Variants in PCSK4 observed in about 807,000 individuals in gnomAD.
PCSK4 encodes proprotein convertase subtilisin/kexin type 4.
Under a neutral mutation model 80.3 loss-of-function variants are expected in PCSK4, and 64 were observed. That is an observed-to-expected ratio of 0.80 (90% CI 0.65 to 0.98). PCSK4 has a LOEUF of 0.98. PCSK4 is among the 50% of genes least tolerant of loss of function. The probability of loss-of-function intolerance (pLI) is 0.00; values close to 1 mark genes in which losing one functional copy is unlikely to be tolerated. For missense variants in PCSK4, 1,213 were observed against 1,093.6 expected, an observed-to-expected ratio of 1.11 and a Z score of -1.54; for synonymous variants, 561 against 487.6, an observed-to-expected ratio of 1.15 and a Z score of -1.98.
exon 1 of PCSK4, chr19:1,490,182 T>G (rs766464618): frequency 6.2e-7 from 1 of 1,613,718 alleles, no homozygotes; most frequent in South Asian, 1.1e-5. Context: ...CGAAGCCGAA[T>G]TTGCGTGCCA....
At chr19:1,482,439 G>A (rs773751308) in exon 14 of PCSK4, 13 of 1,607,938 alleles carry the variant, frequency 8.1e-6, no homozygotes, top group East Asian at 6.7e-5. Context: ...GTCCTCGGCC[G>A]TCCCATAGAG....
Position 1,483,396 on chromosome 19 carries a change from G to A in PCSK4, c.1459C>T (p.Arg487Cys), listed in dbSNP as rs763393336. The change falls in exon 12 of 15, where the codon CGC becomes TGC. Residue 487 changes from arginine (R) to cysteine (C), a missense_variant. By Grantham distance (180) the Arg-to-Cys change is radical. Coordinates refer to ENST00000300954, the Ensembl canonical transcript of PCSK4. ...TGCGCCTGCACGTGCTCCAGCGAGC[G>A]GATGGAGTTGTGGAGGCCGGCGCAG... 6.2e-6 allele frequency: 10 copies of A among 1,604,872 alleles called. No homozygotes were observed. The Middle Eastern group carries it at 1.5e-3, about 238-fold the overall frequency.
chr19:1,485,745 C>G (rs2084569537), intron 8 of PCSK4, among the ~76,000 whole-genome samples: 1 of 151,736 alleles, frequency 6.6e-6, no homozygotes, highest in African/African-American at 2.4e-5. Flanking sequence ...GTGGCGGGCA[C>G]CTGTAGTCCC....
exon 15 of PCSK4, chr19:1,482,001 G>T (rs566850451): frequency 1.3e-6 from 2 of 1,587,992 alleles, no homozygotes; most frequent in East Asian, 2.3e-5. Context: ...TGCTGGTCCA[G>T]CGTGGAGGAT....
At chr19:1,490,409 C>A (rs951521998), upstream of PCSK4, 1 of 648,116 alleles carries the variant, frequency 1.5e-6, no homozygotes, top group Non-Finnish European at 2.5e-6. Flanking sequence ...GCCGAGTGGG[C>A]CCAGGCGTCC....
chr19:1,490,618 C>T, upstream of PCSK4: 1 of 424,492 alleles, frequency 2.4e-6, no homozygotes, highest in Non-Finnish European at 4.2e-6. Context: ...GAAGCGGGTT[C>T]ACTGTTGCGA....
exon 15 of PCSK4, chr19:1,482,010 A>C: frequency 6.3e-7 from 1 of 1,582,496 alleles, no homozygotes; most frequent in Non-Finnish European, 8.6e-7. Flanking sequence ...AGCGTGGAGG[A>C]TGGGGGACAG....
chr19:1,482,701 G>T, intron 13 of PCSK4, 195 bp downstream of exon 13: 1 of 751,348 alleles, frequency 1.3e-6, no homozygotes, highest in Non-Finnish European at 2.1e-6. Flanking sequence ...CATCTCCCGT[G>T]TTACCGCACA....
Position 1,490,366 on chromosome 19 carries a change from GGCCTGC to G in PCSK4, c.-26_-21del. ...CCGCATGGAGGCGGGGCGGGAGCGG[GGCCTGC>G]GCAAATCCCCTCCCTCCCGCCAAAC... On this transcript the variant is annotated 5_prime_UTR_variant, in exon 1 of 15. Coordinates refer to ENST00000300954, the Ensembl canonical transcript of PCSK4. The G allele has an allele frequency of 4.0e-6, 4 of 1,005,024 alleles. No individual in the cohort carries two copies. 62.3% of individuals were successfully genotyped at this position (1,005,024 alleles called of 1,614,324 possible). A position where few individuals can be genotyped will look rare whatever the true frequency, so the allele number is the denominator to read the frequency against.
upstream of PCSK4, chr19:1,490,823 T>G (rs1458298158): frequency 5.5e-6 from 1 of 180,618 alleles, no homozygotes; most frequent in Non-Finnish European, 1.1e-5. Flanking sequence ...CCTCCACTGG[T>G]CTCGCCAATG....
chr19:1,481,966 G>A (rs778422168), exon 15 of PCSK4: 1 of 1,595,442 alleles, frequency 6.3e-7, no homozygotes, highest in South Asian at 1.1e-5. Flanking sequence ...TGTCGGGGGT[G>A]GTGGGTCCCA....
chr19:1,490,724 T>G, upstream of PCSK4: 1 of 232,074 alleles, frequency 4.3e-6, no homozygotes, highest in Non-Finnish European at 8.3e-6. Context: ...ATCAGAATCA[T>G]TCTTTTGCGT....
exon 12 of PCSK4, chr19:1,483,375 C>T (rs1431823231): frequency 6.2e-7 from 1 of 1,607,876 alleles, no homozygotes. Context: ...GTCAGCTGCG[C>T]CTGCACGTGC....
Position 1,487,774 on chromosome 19 carries a change from G to T in PCSK4, c.593+11C>A. The T allele has an allele frequency of 6.4e-7, 1 of 1,567,586 alleles. No homozygotes were observed. On this transcript the variant is annotated intron_variant, in intron 5 of 14. Transcript: ENST00000300954. ...GGGGCTTCCCCCGTGTGCTGTGGGA[G>T]CCCTGCTCACCGGTTCTCTTTGCTG...
chr19:1,488,985 G>A (rs984042524), intron 2 of PCSK4, among the ~76,000 whole-genome samples: 20 of 152,264 alleles, frequency 1.3e-4, no homozygotes, highest in Admixed American at 5.2e-4. Flanking sequence ...CCTGGCCTCC[G>A]AGGGCTTCCC....
intron 13 of PCSK4, 54 bp downstream of exon 13, chr19:1,482,841 TG>T: frequency 5.0e-6 from 8 of 1,591,172 alleles, no homozygotes; most frequent in South Asian, 1.1e-5. Flanking sequence ...CCAGAGCCCC[TG>T]GGGGGAGGTT....
At chr19:1,486,563 TG>T (rs2084624991) in intron 8 of PCSK4, among the ~76,000 whole-genome samples, 1 of 151,976 alleles carries the variant, frequency 6.6e-6, no homozygotes, top group Non-Finnish European at 1.5e-5. Flanking sequence ...CCCAAAGTGC[TG>T]GGATTACAGG....
Position 1,487,701 on chromosome 19 carries a change from G to T in PCSK4, c.594-10C>A. 1.3e-6 allele frequency: 2 copies of T among 1,552,404 alleles called. No individual in the cohort carries two copies. The highest frequency in any genetic ancestry group is 8.7e-7 in the Non-Finnish European group (1 of 1,147,934). On this transcript the variant is annotated splice_polypyrimidine_tract_variant and intron_variant, in intron 5 of 14. Coordinates refer to ENST00000300954, the Ensembl canonical transcript of PCSK4. ...ACAGCGGGTCCCGTGCCTGGTGCCA[G>T]GGCCAAGAGGGGCTCCTGTCACGGC...
rs760055157 is a variant in PCSK4 at position 1,488,106 on chromosome 19, C to T, written c.388-14G>A. ...GGCCTCGCTGTTCTGCAGGGGGAGG[C>T]GGGGTTGTGACCCTGTGAGGGCCTG... On this transcript the variant is annotated splice_polypyrimidine_tract_variant and intron_variant, in intron 3 of 14. Coordinates refer to ENST00000300954, the Ensembl canonical transcript of PCSK4. The T allele has an allele frequency of 1.1e-5, 18 of 1,612,528 alleles. No homozygotes were observed. The highest frequency in any genetic ancestry group is 6.6e-5 in the South Asian group (6 of 91,066).
Sources: allele counts gnomAD v4.1 joint callset (sites outside exome capture counted in the v4.1 genomes callset), GRCh38; gene constraint gnomAD v4.1.1; transcripts MANE v1.5; gene names NCBI Gene and HGNC (gene_info 2026-07-23, HGNC 2026-07-21).